The following ZER1 variants were observed in gnomAD, a reference collection of about 807,000 sequenced individuals.
ZER1 encodes the protein zyg-11 related cell cycle regulator.
Under a neutral mutation model 78.8 loss-of-function variants are expected in ZER1, and 11 were observed. That is an observed-to-expected ratio of 0.14 (90% confidence interval 0.09 to 0.23). The LOEUF is 0.23. Among genes scored for constraint, ZER1 ranks in the 10% least tolerant of loss-of-function variants. ZER1 has a pLI of 1.00. For missense variants in ZER1, 588 were observed against 996.9 expected (o/e 0.59, Z 5.52); for synonymous variants, 400 against 407.0 (o/e 0.98, Z 0.21).
At chr9:128,741,489 C>T (rs1308542533) in intron 11 of ZER1, 46 bp downstream of exon 11, 2 of 1,613,414 alleles carry the variant, frequency 1.2e-6, no homozygotes, top group Admixed American at 1.7e-5. Context: ...GAAGAGGGGC[C>T]ATGTGGGCAG....
chr9:128,764,958 C>CCAG (rs1047152725), intron 1 of ZER1, among the ~76,000 whole-genome samples: 106 of 152,090 alleles, frequency 7.0e-4, no homozygotes, highest in African/African-American at 2.2e-3. Flanking sequence ...AAAAACAGCA[C>CCAG]CAGCAGCAGC....
chr9:128,756,038 C>T (rs1863847178), intron 1 of ZER1, among the ~76,000 whole-genome samples: 1 of 152,146 alleles, frequency 6.6e-6, no homozygotes, highest in South Asian at 2.1e-4. Flanking sequence ...ATTGATTGAG[C>T]ACTTAGGCTG....
chr9:128,735,304 T>G, intron 14 of ZER1, 30 bp downstream of exon 14: 1 of 1,591,458 alleles, frequency 6.3e-7, no homozygotes, highest in Non-Finnish European at 8.6e-7. Context: ...GCTGGATGAG[T>G]GTCTGAACCC....
At chr9:128,731,541 G>A (rs1862822117) in intron 15 of ZER1, 147 bp from the exon 16 acceptor site, 5 of 644,838 alleles carry the variant, frequency 7.8e-6, no homozygotes, top group African/African-American at 5.5e-5. Context: ...GGCTGGCAGA[G>A]TGGCTGGCAT....
At position 128,750,770 on chromosome 9, in the gene ZER1, T is replaced by C. The variant is rs760477266; in HGVS notation, c.1205A>G (p.Lys402Arg). 3 of 1,614,090 alleles carry C rather than the reference T, an allele frequency of 1.9e-6. No individual in the cohort carries two copies. The highest frequency in any genetic ancestry group is 1.1e-5 in the South Asian group (1 of 91,080). Residue 402 changes from lysine (K) to arginine (R), a missense_variant, in exon 8 of 16, where the codon AAG (lysine) becomes AGG (arginine). By Grantham distance (26) the Lys-to-Arg change is conservative. Around this residue, in one of 3 missense-constraint regions of ZER1, gnomAD observed 406 missense variants for 660.1 expected, o/e 0.62. Transcript: ENST00000291900. ...AATGTTCCTGTCATATTTGTGGCAC[T>C]TGAGGGCCGTGATGACCAGCTGTAT... ...RALKLVITAL[K>R]CHKYDRNIQV...
At chr9:128,738,459 A>C (rs571274487) in intron 13 of ZER1, among the ~76,000 whole-genome samples, 1,818 of 144,628 alleles carry the variant, frequency 0.013, 46 homozygotes, top group African/African-American at 0.045. Context: ...GATCTCGGCT[A>C]ACTGCAAGCT....
Position 128,753,128 on chromosome 9 carries a change from A to C in ZER1, c.746+36T>G. The stretch of plus-strand genomic sequence containing the variant: ...TCTACTCCTCCCCACCTGCCCCCCA[A>C]ACCCCACCCTGGTGAGCTCTGGGCC... On this transcript the variant is annotated intron_variant, in intron 4 of 15. Coordinates refer to ENST00000291900, the MANE Select transcript of ZER1 (RefSeq NM_006336.4). The surrounding 1 kb of genome is among the most constrained non-coding windows in gnomAD (Gnocchi z 7.5). The C allele has an allele frequency of 6.7e-7, 1 of 1,494,462 alleles. No individual in the cohort carries two copies. Among genetic ancestry groups the C allele is most frequent in the Middle Eastern group, 2.0e-4 (1 of 5,050 alleles). 92.6% of individuals were successfully genotyped at this position (1,494,462 alleles called of 1,614,324 possible).
chr9:128,761,555 G>T (rs1250564850), intron 1 of ZER1, among the ~76,000 whole-genome samples: 1 of 149,000 alleles, frequency 6.7e-6, no homozygotes, highest in Non-Finnish European at 1.5e-5. Context: ...CAAAATGGTG[G>T]AACTACAGTC....
intron 8 of ZER1, among the ~76,000 whole-genome samples, chr9:128,744,943 G>C (rs561889531): frequency 6.6e-6 from 1 of 152,206 alleles, no homozygotes; most frequent in African/African-American, 2.4e-5. Flanking sequence ...TCTAAGAGTT[G>C]GCTACTGTGA....
intron 11 of ZER1, 40 bp downstream of exon 11, chr9:128,741,495 G>T: frequency 6.2e-7 from 1 of 1,613,578 alleles, no homozygotes. Flanking sequence ...GGGCCATGTG[G>T]GCAGCTGAGG....
chr9:128,764,301 G>T (rs1364717700), intron 1 of ZER1, among the ~76,000 whole-genome samples: 1 of 152,124 alleles, frequency 6.6e-6, no homozygotes, highest in Non-Finnish European at 1.5e-5. Flanking sequence ...GTACACTCTC[G>T]CATTCTCCCT....
At chr9:128,765,455 G>A (rs1259180311) in intron 1 of ZER1, among the ~76,000 whole-genome samples, 1 of 152,210 alleles carries the variant, frequency 6.6e-6, no homozygotes. Flanking sequence ...CAAAACTGAT[G>A]AGAGTGGGAT....
chr9:128,738,780 C>G (rs924298393), intron 13 of ZER1, among the ~76,000 whole-genome samples: 1 of 151,416 alleles, frequency 6.6e-6, no homozygotes, highest in Admixed American at 6.6e-5. Flanking sequence ...CTCCTGGGCT[C>G]AAGTGACCCT....
intron 8 of ZER1, among the ~76,000 whole-genome samples, chr9:128,745,200 T>G (rs1040382272): frequency 2.7e-5 from 3 of 111,698 alleles, no homozygotes; most frequent in Admixed American, 1.7e-4. Context: ...TTTGTTTGGG[T>G]TTTTTTTTTT....
chr9:128,771,343 C>A (rs1864376920), intron 1 of ZER1, among the ~76,000 whole-genome samples: 1 of 152,216 alleles, frequency 6.6e-6, no homozygotes. Context: ...CAGCCCTACA[C>A]CGATCCCCCA....
At chr9:128,748,627 G>T (rs1448241753) in intron 8 of ZER1, among the ~76,000 whole-genome samples, 1 of 151,616 alleles carries the variant, frequency 6.6e-6, no homozygotes, top group African/African-American at 2.4e-5. Context: ...GCTGGAGTTC[G>T]GTGGCTTGAT....
At position 128,753,752 on chromosome 9, in the gene ZER1, C is replaced by A; in HGVS notation, c.309+57G>T. On this transcript the variant is annotated intron_variant, in intron 3 of 15. Transcript: ENST00000291900. The surrounding 1 kb of genome is among the most constrained non-coding windows in gnomAD (Gnocchi z 7.5). Reference sequence around the variant, plus strand: ...TGGGGATGGCTGGGCTGGAGGCGAGCAGCCTGGCCCCTGCTTGGTGTGGGC... The same window carrying A: ...TGGGGATGGCTGGGCTGGAGGCGAGAAGCCTGGCCCCTGCTTGGTGTGGGC... 6.4e-7 allele frequency: 1 copy of A among 1,573,232 alleles called. No individual in the cohort carries two copies. Among genetic ancestry groups the A allele is most frequent in the Non-Finnish European group, 8.6e-7 (1 of 1,159,106 alleles).
chr9:128,746,689 G>C (rs1360973553), intron 8 of ZER1, among the ~76,000 whole-genome samples: 1 of 151,606 alleles, frequency 6.6e-6, no homozygotes, highest in Non-Finnish European at 1.5e-5. Flanking sequence ...AGGTTGGAGT[G>C]CAATGGTACC....
rs1420005192 is a variant in ZER1 at position 128,752,720 on chromosome 9, T to C, written c.876A>G (p.Leu292=). 6.2e-7 allele frequency: 1 copy of C among 1,614,028 alleles called. No individual in the cohort carries two copies. Among genetic ancestry groups the C allele is most frequent in the Non-Finnish European group, 8.5e-7 (1 of 1,180,014 alleles). ...CCATCTTGGAGATGCTGCAGTTCTC[T>C]AGGATCATGTGGCCAGAGATGTCCA... ...MSLDISGHMI[L]ENCSISKMEE... Residue 292 remains leucine, a synonymous_variant, in exon 5 of 16, where the codon CTA becomes CTG. Coordinates refer to ENST00000291900, the MANE Select transcript of ZER1 (RefSeq NM_006336.4).
Sources: allele counts gnomAD v4.1 joint callset (sites outside exome capture counted in the v4.1 genomes callset), GRCh38; gene constraint gnomAD v4.1.1; regional missense constraint gnomAD v4.1.1; non-coding constraint Gnocchi (gnomAD v3.1); transcripts MANE v1.5; gene names NCBI Gene and HGNC (gene_info 2026-07-23, HGNC 2026-07-21).